NPAS2: variants seen among roughly 807,000 people sequenced by gnomAD.
The protein encoded by NPAS2 is neuronal PAS domain-containing protein 2.
Under a neutral mutation model 107.5 loss-of-function variants are expected in NPAS2, and 23 were observed. That is an observed-to-expected ratio of 0.21 (90% CI 0.15 to 0.30). The LOEUF (loss-of-function observed/expected upper bound fraction) is 0.30, where lower values mean the gene tolerates loss of function less well. Ranked by LOEUF, NPAS2 falls within the 10% of genes least tolerant of loss-of-function variation. NPAS2 has a pLI of 1.00. For missense variants in NPAS2, 756 were observed against 1,043.3 expected, an observed-to-expected ratio of 0.72 and a Z score of 3.79; for synonymous variants, 403 against 417.5, an observed-to-expected ratio of 0.97 and a Z score of 0.42.
chr2:100,857,386 A>G (rs1197254277), intron 1 of NPAS2, among the ~76,000 whole-genome samples: 2 of 151,828 alleles, frequency 1.3e-5, no homozygotes, highest in Non-Finnish European at 2.9e-5. Flanking sequence ...GCCCTTCCAT[A>G]TAGTAGATGG....
chr2:100,894,137 A>C (rs1235695539), intron 1 of NPAS2, among the ~76,000 whole-genome samples: 3 of 152,246 alleles, frequency 2.0e-5, no homozygotes, highest in African/African-American at 7.2e-5. Flanking sequence ...TCAGTTGTGT[A>C]GTAGGTGGCT....
chr2:100,858,015 CAAGAG>C (rs756604705), intron 1 of NPAS2, among the ~76,000 whole-genome samples: 2 of 152,202 alleles, frequency 1.3e-5, no homozygotes, highest in Non-Finnish European at 2.9e-5. Context: ...AGTCAGTACT[CAAGAG>C]AAGGAAATGA....
chr2:100,820,774 TG>T lies in NPAS2; in HGVS notation c.-23+364del, dbSNP rs2104293706. On this transcript the variant is annotated intron_variant, in intron 1 of 20. Coordinates refer to ENST00000335681, the MANE Select transcript of NPAS2 (RefSeq NM_002518.4). This position sits in a 1 kb window ranked among gnomAD's most constrained non-coding sequence, Gnocchi z 5.6. ...GGATCGTGCCCCAGGGCAACAGCTT[TG>T]GGGATTGCCCGTGGTTGTCTTCGAG... 6.6e-6 allele frequency among the ~76,000 whole-genome samples: 1 copy of T among 152,246 alleles called. No individual in the cohort carries two copies. Among genetic ancestry groups the T allele is most frequent in the Non-Finnish European group, 1.5e-5 (1 of 67,996 alleles).
rs186571701 is a variant in NPAS2, at chr2:100,954,051, G to A, written c.598+4571G>A. On this transcript the variant is annotated intron_variant, in intron 7 of 20. Coordinates refer to ENST00000335681, the MANE Select transcript of NPAS2 (RefSeq NM_002518.4). ...AAGCACCGGGGTTGGTCAGGAGGCC[G>A]AGGGAACCTTTATTGTCGATTCCAA... Among the ~76,000 whole-genome samples the A allele has an allele frequency of 2.8e-3, 430 of 152,306 alleles. 9 individuals carry two copies. The highest frequency in any genetic ancestry group is 0.026 in the Admixed American group (403 of 15,294).
At chr2:100,821,142 C>T (rs1372969748) in intron 1 of NPAS2, 73 of 1,304,648 alleles carry the variant, frequency 5.6e-5, no homozygotes, top group Non-Finnish European at 7.2e-5. Context: ...ACAGGCACCA[C>T]CCGGCTAAAT....
intron 7 of NPAS2, among the ~76,000 whole-genome samples, chr2:100,958,548 A>G (rs755226746): frequency 5.9e-5 from 9 of 152,274 alleles, no homozygotes; most frequent in South Asian, 2.1e-4. Flanking sequence ...TGCCAGAGAG[A>G]TCGCAGGGGA....
intron 1 of NPAS2, among the ~76,000 whole-genome samples, chr2:100,882,482 CAT>C (rs1680424636): frequency 5.9e-5 from 9 of 152,222 alleles, no homozygotes; most frequent in Admixed American, 1.3e-4. Flanking sequence ...GTAGGTGGTG[CAT>C]GCCTGTAGTC....
rs1284570235 is a variant in NPAS2 at position 100,975,502 on chromosome 2, C to T, written c.1327C>T (p.Pro443Ser). The T allele has an allele frequency of 1.2e-6, 2 of 1,613,526 alleles. No homozygotes were observed. Among genetic ancestry groups the T allele is most frequent in the South Asian group, 1.1e-5 (1 of 90,936 alleles). Reference sequence around the variant, plus strand: ...GGCAGAGGCCAGCACCCCGGCTTTGCCAAGATCAGCCACCCTGCCCCAAGA... The same window carrying T: ...GGCAGAGGCCAGCACCCCGGCTTTGTCAAGATCAGCCACCCTGCCCCAAGA... ...LMAEASTPAL[P>S]RSATLPQELP... The change falls in exon 14 of 21, where the codon CCA (proline) becomes TCA (serine). Residue 443 changes from proline to serine, a missense_variant. Physicochemically the swap from Pro to Ser is moderately conservative, Grantham distance 74 (BLOSUM62 -1). Coordinates refer to ENST00000335681, the MANE Select transcript of NPAS2 (RefSeq NM_002518.4).
intron 1 of NPAS2, among the ~76,000 whole-genome samples, chr2:100,901,229 T>C (rs1005727260): frequency 1.3e-5 from 2 of 152,110 alleles, no homozygotes; most frequent in South Asian, 4.2e-4. Context: ...TAAATAAGAC[T>C]CATGAGTATT....
chr2:100,922,336 T>C (rs1683279611), intron 2 of NPAS2, among the ~76,000 whole-genome samples: 1 of 152,164 alleles, frequency 6.6e-6, no homozygotes, highest in Admixed American at 6.5e-5. Flanking sequence ...TCCCAGCACA[T>C]TTGTGGAGGC....
intron 1 of NPAS2, among the ~76,000 whole-genome samples, chr2:100,899,170 G>T (rs923527016): frequency 1.1e-4 from 16 of 151,750 alleles, no homozygotes; most frequent in Non-Finnish European, 2.4e-4. Flanking sequence ...GAAAACGGAC[G>T]TTACGTAAAA....
At chr2:100,978,756 C>T (rs965234372) in intron 15 of NPAS2, among the ~76,000 whole-genome samples, 4 of 152,184 alleles carry the variant, frequency 2.6e-5, no homozygotes, top group South Asian at 4.1e-4. Flanking sequence ...TTTATAGAAC[C>T]GTGAAGGAAA....
intron 20 of NPAS2, chr2:100,993,741 A>G (rs1678280161): frequency 2.3e-6 from 1 of 431,394 alleles, no homozygotes; most frequent in East Asian, 3.5e-5. Flanking sequence ...CGAGTCGGCT[A>G]TTATGCCTTA....
rs761752855 is a variant in NPAS2, at chr2:100,995,439, T to G, written c.2332T>G (p.Ser778Ala). The change falls in exon 21 of 21, where the codon TCG becomes GCG. Residue 778 changes from serine to alanine, a missense_variant. Ser to Ala is a moderately conservative substitution (Grantham distance 99). Transcript: ENST00000335681. The part of the protein sequence containing the change: ...PTSLHSEQQD[S>A]LLLSTYSQQP... ...CTCTTTGCACAGTGAGCAGCAGGAC[T>G]CGCTACTTCTCTCCACCTACTCACA... The G allele has an allele frequency of 6.2e-7, 1 of 1,614,024 alleles. No individual in the cohort carries two copies. Among genetic ancestry groups the G allele is most frequent in the Non-Finnish European group, 8.5e-7 (1 of 1,179,980 alleles).
intron 2 of NPAS2, among the ~76,000 whole-genome samples, chr2:100,911,725 G>A (rs1266162081): frequency 2.6e-5 from 4 of 151,932 alleles, no homozygotes; most frequent in African/African-American, 9.7e-5. Flanking sequence ...TCCACCTCCC[G>A]GGTTCAAGCC....
Position 100,996,596 on chromosome 2 carries a change from T to C in NPAS2, c.*1014T>C, listed in dbSNP as rs1678451075. ...TTTGCTTTTTTTGTATGTTTTGTTATGTTGAGATGTTTCTAAAGAAAAGAT... is the reference window on the plus strand; with the variant it reads ...TTTGCTTTTTTTGTATGTTTTGTTACGTTGAGATGTTTCTAAAGAAAAGAT... On this transcript the variant is annotated 3_prime_UTR_variant, in exon 21 of 21. Transcript: ENST00000335681. The C allele has an allele frequency of 6.6e-6, 1 of 152,650 alleles. No homozygotes were observed. Among genetic ancestry groups the C allele is most frequent in the Non-Finnish European group, 1.5e-5 (1 of 68,040 alleles). The allele number at this position is 152,650 out of a possible 1,614,324, so 9.5% of individuals were successfully genotyped here. A position where few individuals can be genotyped will look rare whatever the true frequency, so the allele number is the denominator to read the frequency against.
intron 2 of NPAS2, among the ~76,000 whole-genome samples, chr2:100,924,074 TAA>T (rs1398649913): frequency 1.3e-5 from 2 of 152,166 alleles, no homozygotes; most frequent in South Asian, 2.1e-4. Flanking sequence ...GTCACTTATT[TAA>T]AATAGACTTT....
At chr2:100,969,181 T>C (rs1333140645) in intron 11 of NPAS2, among the ~76,000 whole-genome samples, 1 of 152,076 alleles carries the variant, frequency 6.6e-6, no homozygotes, top group Non-Finnish European at 1.5e-5. Flanking sequence ...GCCTTTCTTT[T>C]TTTTTTTTTT....
chr2:100,966,724 G>C (rs1676238802), intron 10 of NPAS2, among the ~76,000 whole-genome samples: 1 of 151,744 alleles, frequency 6.6e-6, no homozygotes, highest in Non-Finnish European at 1.5e-5. Flanking sequence ...CTCTAGAGTA[G>C]TTGGGATTAC....
Sources: allele counts gnomAD v4.1 joint callset (sites outside exome capture counted in the v4.1 genomes callset), GRCh38; gene constraint gnomAD v4.1.1; non-coding constraint Gnocchi (gnomAD v3.1); transcripts MANE v1.5; gene names NCBI Gene and HGNC (gene_info 2026-07-23, HGNC 2026-07-21).